The following KLHDC10 variants were observed in gnomAD, a reference collection of about 807,000 sequenced individuals.
KLHDC10 encodes the protein kelch domain containing 10, also known as kelch domain-containing protein 10.
Under a neutral mutation model 56.1 loss-of-function variants are expected in KLHDC10, and 24 were observed. That is an observed-to-expected ratio of 0.43 (90% CI 0.31 to 0.60). The LOEUF (loss-of-function observed/expected upper bound fraction) is 0.60, where lower values mean the gene tolerates loss of function less well. Among genes scored for constraint, KLHDC10 ranks in the 20% least tolerant of loss-of-function variants. KLHDC10 has a pLI of 0.11. For synonymous variants in KLHDC10, 188 were observed against 207.1 expected, an observed-to-expected ratio of 0.91 and a Z score of 0.79; for missense variants, 349 against 567.0, an observed-to-expected ratio of 0.62 and a Z score of 3.91.
intron 8 of KLHDC10, among the ~76,000 whole-genome samples, chr7:130,129,168 T>C (rs759043148): frequency 2.0e-5 from 3 of 152,056 alleles, no homozygotes; most frequent in South Asian, 2.1e-4. Context: ...GCCTGGAATC[T>C]GTAGGTATGT....
At chr7:130,111,495 G>A (rs745530570) in intron 2 of KLHDC10, among the ~76,000 whole-genome samples, 4 of 152,140 alleles carry the variant, frequency 2.6e-5, no homozygotes, top group Non-Finnish European at 5.9e-5. Flanking sequence ...TTTGAGCTTA[G>A]ATTAGAAGTT....
intron 2 of KLHDC10, 133 bp downstream of exon 2, chr7:130,097,140 C>A: frequency 1.8e-6 from 1 of 569,832 alleles, no homozygotes; most frequent in Non-Finnish European, 3.1e-6. Flanking sequence ...TAAGAAAAAT[C>A]TAGAACTTAA....
intron 1 of KLHDC10, among the ~76,000 whole-genome samples, chr7:130,082,399 A>G (rs1250288640): frequency 6.6e-6 from 1 of 152,208 alleles, no homozygotes; most frequent in Non-Finnish European, 1.5e-5. Context: ...CTATATCAAC[A>G]TTTTGATATT....
At chr7:130,108,737 A>G (rs142760922) in intron 2 of KLHDC10, among the ~76,000 whole-genome samples, 107 of 151,570 alleles carry the variant, frequency 7.1e-4, no homozygotes, top group African/African-American at 1.9e-3. Context: ...AAAAAAAAAA[A>G]AAAGAAAGAA....
At chr7:130,102,520 A>G (rs76619281) in intron 2 of KLHDC10, among the ~76,000 whole-genome samples, 147 of 152,214 alleles carry the variant, frequency 9.7e-4, no homozygotes, top group African/African-American at 3.4e-3. Context: ...AGATCCATAA[A>G]TTTAAAAAAA....
Position 130,127,447 on chromosome 7 carries a change from A to C in KLHDC10, c.975A>C (p.Lys325Asn). 1 of 1,609,288 alleles carries C rather than the reference A, an allele frequency of 6.2e-7. No homozygotes were observed. ...GGTGTCACAGTTGTGTTCAAATAAA[A>C]AATGGTAAGGATTCTAAATAACATT... is the stretch of plus-strand genomic sequence containing the variant. The part of the protein sequence containing the change: ...ARRCHSCVQI[K>N]NDVFICGGYN... The change falls in exon 8 of 10, where the codon AAA becomes AAC. Residue 325 changes from lysine (K) to asparagine (N), a missense_variant. Coordinates refer to ENST00000335420, the MANE Select transcript of KLHDC10 (RefSeq NM_014997.4).
intron 2 of KLHDC10, among the ~76,000 whole-genome samples, chr7:130,110,641 C>A (rs1796087479): frequency 6.6e-6 from 1 of 152,116 alleles, no homozygotes; most frequent in African/African-American, 2.4e-5. Context: ...CCTTGGCTTT[C>A]CTTGAGGCTT....
intron 2 of KLHDC10, among the ~76,000 whole-genome samples, chr7:130,110,970 A>C (rs1444113952): frequency 6.6e-6 from 1 of 152,112 alleles, no homozygotes; most frequent in Non-Finnish European, 1.5e-5. Context: ...ATTTACATTC[A>C]TATATTCTTA....
chr7:130,090,123 TGCCC>T (rs1228767260), intron 1 of KLHDC10, among the ~76,000 whole-genome samples: 4 of 152,178 alleles, frequency 2.6e-5, no homozygotes, highest in African/African-American at 9.7e-5. Flanking sequence ...TCAGGTGATC[TGCCC>T]GCCTTGGCCT....
At chr7:130,127,015 G>A (rs1461732649) in intron 7 of KLHDC10, among the ~76,000 whole-genome samples, 1 of 152,024 alleles carries the variant, frequency 6.6e-6, no homozygotes, top group African/African-American at 2.4e-5. Flanking sequence ...GAAGTGGGAG[G>A]ATCATTTGAG....
At chr7:130,077,374 A>AAAC (rs1563095663) in intron 1 of KLHDC10, among the ~76,000 whole-genome samples, 5 of 148,796 alleles carry the variant, frequency 3.4e-5, no homozygotes, top group South Asian at 2.1e-4. Flanking sequence ...AAAAAAAAAA[A>AAAC]AAAAAAAACA....
At chr7:130,090,782 G>GTGTA (rs1038716978) in intron 1 of KLHDC10, among the ~76,000 whole-genome samples, 1 of 151,500 alleles carries the variant, frequency 6.6e-6, no homozygotes, top group African/African-American at 2.4e-5. Flanking sequence ...GTGTGTGTGT[G>GTGTA]TGTGTGTGTG....
intron 2 of KLHDC10, among the ~76,000 whole-genome samples, chr7:130,109,690 G>A (rs1275359487): frequency 6.6e-6 from 1 of 152,166 alleles, no homozygotes; most frequent in East Asian, 1.9e-4. Context: ...CCAGGCTGGA[G>A]TGCAGTGGTG....
intron 2 of KLHDC10, among the ~76,000 whole-genome samples, chr7:130,098,887 A>G (rs1426649956): frequency 6.6e-6 from 1 of 152,220 alleles, no homozygotes; most frequent in East Asian, 1.9e-4. Context: ...AAGATTGCAC[A>G]GGTAAGTTTT....
intron 8 of KLHDC10, 76 bp from the exon 9 acceptor site, chr7:130,129,361 T>C (rs1796364879): frequency 1.3e-6 from 2 of 1,540,348 alleles, no homozygotes; most frequent in Admixed American, 1.9e-5. Context: ...CAGCTGGCTG[T>C]GTGACCTACT....
chr7:130,114,698 A>G (rs775387086), intron 2 of KLHDC10, among the ~76,000 whole-genome samples: 2 of 152,152 alleles, frequency 1.3e-5, no homozygotes, highest in Non-Finnish European at 2.9e-5. Context: ...TTAAGGTGTG[A>G]TCTTATTAAT....
intron 6 of KLHDC10, 108 bp from the exon 7 acceptor site, chr7:130,125,757 C>T (rs936725720): frequency 2.0e-5 from 17 of 861,222 alleles, no homozygotes; most frequent in Non-Finnish European, 2.7e-5. Flanking sequence ...TTGCTGTGAA[C>T]TGAAAACTGC....
chr7:130,128,919 T>TATATATATATAC lies in KLHDC10; in HGVS notation c.980-517_980-516insTATATATATACA, dbSNP rs1292651924. Among the ~76,000 whole-genome samples the TATATATATATAC allele has an allele frequency of 6.1e-4, 71 of 115,662 alleles. 1 individual carries two copies. Among genetic ancestry groups the TATATATATATAC allele is most frequent in the African/African-American group, 1.1e-3 (30 of 28,542 alleles). 75.9% of individuals were successfully genotyped at this position (115,662 alleles called of 152,430 possible). ...ATATATATATATATATATATATATA[T>TATATATATATAC]ACATACTAGCCAAAACTTAAAAATC... is the stretch of plus-strand genomic sequence containing the variant. On this transcript the variant is annotated intron_variant, in intron 8 of 9. Coordinates refer to ENST00000335420, the MANE Select transcript of KLHDC10 (RefSeq NM_014997.4).
intron 1 of KLHDC10, among the ~76,000 whole-genome samples, chr7:130,081,784 A>T (rs1476782257): frequency 6.6e-6 from 1 of 152,160 alleles, no homozygotes; most frequent in African/African-American, 2.4e-5. Context: ...TGTTTTCAGT[A>T]GTGTCTGGTA....
Sources: allele counts gnomAD v4.1 joint callset (sites outside exome capture counted in the v4.1 genomes callset), GRCh38; gene constraint gnomAD v4.1.1; transcripts MANE v1.5; gene names NCBI Gene and HGNC (gene_info 2026-07-23, HGNC 2026-07-21).